The following SERPINF2 variants were observed in gnomAD, a reference collection of about 807,000 sequenced individuals.
SERPINF2 encodes alpha-2-antiplasmin.
SERPINF2 carries 15 observed loss-of-function variants against 45.0 expected under a neutral mutation model. That is an observed-to-expected ratio of 0.33 (90% CI 0.22 to 0.51). SERPINF2 has a LOEUF of 0.51. Ranked by LOEUF, SERPINF2 falls within the 20% of genes least tolerant of loss-of-function variation. The pLI, the probability that SERPINF2 is intolerant of heterozygous loss-of-function variation, is 0.97. For missense variants in SERPINF2, 518 were observed against 637.4 expected (o/e 0.81, Z 2.02); for synonymous variants, 283 against 277.9 (o/e 1.02, Z -0.18).
chr17:1,752,625 G>T lies in SERPINF2; in HGVS notation c.898G>T (p.Val300Phe). Residue 300 changes from valine to phenylalanine, a missense_variant, in exon 9 of 10, where the codon GTC becomes TTC. Physicochemically the swap from Val to Phe is conservative, Grantham distance 50 (BLOSUM62 -1). Coordinates refer to ENST00000453066, the MANE Select transcript of SERPINF2 (RefSeq NM_000934.4). ...FPFKNNMSFV[V>F]LVPTHFEWNV... ...CTTTAAGAACAACATGAGCTTTGTGGTCCTTGTACCCACCCACTTTGAATG... is the reference window on the plus strand; with the variant it reads ...CTTTAAGAACAACATGAGCTTTGTGTTCCTTGTACCCACCCACTTTGAATG... 1 of 1,614,162 alleles carries T rather than the reference G, an allele frequency of 6.2e-7. No individual in the cohort carries two copies.
chr17:1,747,606 C>A, intron 7 of SERPINF2, 94 bp downstream of exon 7: 1 of 1,392,446 alleles, frequency 7.2e-7, no homozygotes, highest in Non-Finnish European at 1.0e-6. Flanking sequence ...GCTCTGTCAC[C>A]CAGGGTGGAG....
rs1191306313 is a variant in SERPINF2 at position 1,745,320 on chromosome 17, C to T, written c.103-13C>T. On this transcript the variant is annotated splice_polypyrimidine_tract_variant and intron_variant, in intron 3 of 9. Transcript: ENST00000453066. This position sits in a 1 kb window ranked among gnomAD's most constrained non-coding sequence, Gnocchi z 6.2. ...GGAAGGGTCGGTCTCCATCTGCTTG[C>T]TCCTTTCCGCAGCTAACTAGCGGGC... 4 of 1,613,190 alleles carry T rather than the reference C, an allele frequency of 2.5e-6. No homozygotes were observed. The African/African-American group carries it at 4.0e-5, about 16-fold the overall frequency.
intron 9 of SERPINF2, among the ~76,000 whole-genome samples, chr17:1,753,387 C>G (rs1906557389): frequency 6.6e-6 from 1 of 152,068 alleles, no homozygotes. Flanking sequence ...AAGACCTTGT[C>G]TCAAAAATAA....
At chr17:1,753,307 T>A (rs961389420) in intron 9 of SERPINF2, among the ~76,000 whole-genome samples, 2 of 152,190 alleles carry the variant, frequency 1.3e-5, no homozygotes, top group Non-Finnish European at 2.9e-5. Flanking sequence ...GAGGCCCTCT[T>A]GACCCCAGGT....
At position 1,745,515 on chromosome 17, in the gene SERPINF2, G is replaced by T; in HGVS notation, c.165+120G>T. On this transcript the variant is annotated intron_variant, in intron 4 of 9. Transcript: ENST00000453066. This position sits in a 1 kb window ranked among gnomAD's most constrained non-coding sequence, Gnocchi z 6.2. Reference sequence around the variant, plus strand: ...AGGCTCTGGAGTCCAGAGGCCAGAAGGGAGAGAGGGTGGGGAGGACCGAAG... The same window carrying T: ...AGGCTCTGGAGTCCAGAGGCCAGAATGGAGAGAGGGTGGGGAGGACCGAAG... 7.6e-7 allele frequency: 1 copy of T among 1,311,382 alleles called. No individual in the cohort carries two copies. Among genetic ancestry groups the T allele is most frequent in the South Asian group, 1.2e-5 (1 of 81,468 alleles). 81.2% of individuals were successfully genotyped at this position (1,311,382 alleles called of 1,614,324 possible).
intron 8 of SERPINF2, among the ~76,000 whole-genome samples, 154 bp downstream of exon 8, chr17:1,748,894 C>T (rs919465817): frequency 6.6e-6 from 1 of 152,246 alleles, no homozygotes; most frequent in African/African-American, 2.4e-5. Context: ...GTCCCATGAT[C>T]CCCCATCCTA....
intron 1 of SERPINF2, among the ~76,000 whole-genome samples, chr17:1,743,952 A>G (rs1905545614): frequency 6.7e-6 from 1 of 149,950 alleles, no homozygotes; most frequent in South Asian, 2.2e-4. Flanking sequence ...GCTGGAGTGC[A>G]GTGGCGTGAT....
intron 8 of SERPINF2, 113 bp from the exon 9 acceptor site, chr17:1,752,472 GC>G: frequency 2.2e-6 from 2 of 902,550 alleles, no homozygotes; most frequent in African/African-American, 1.6e-5. Flanking sequence ...TCAGTCACAC[GC>G]CTGGCAGGAT....
chr17:1,755,062 C>T lies in SERPINF2; in HGVS notation c.*528C>T, dbSNP rs1906737204. The stretch of plus-strand genomic sequence containing the variant: ...CGAGAGTCCATCAGCCTCCATCCTA[C>T]CCCCTGTGCCTTGTCACGCCAGACT... On this transcript the variant is annotated 3_prime_UTR_variant, in exon 10 of 10. Transcript: ENST00000453066. The surrounding 1 kb of genome is among the most constrained non-coding windows in gnomAD (Gnocchi z 4.2). 1 of 158,512 alleles carries T rather than the reference C, an allele frequency of 6.3e-6. No individual in the cohort carries two copies. Among genetic ancestry groups the T allele is most frequent in the Admixed American group, 6.3e-5 (1 of 15,890 alleles). The allele number at this position is 158,512 out of a possible 1,614,324, so 9.8% of individuals were successfully genotyped here.
intron 8 of SERPINF2, among the ~76,000 whole-genome samples, chr17:1,748,946 T>C (rs930890846): frequency 2.0e-5 from 3 of 152,234 alleles, no homozygotes; most frequent in Admixed American, 2.0e-4. Context: ...TGAGGTTTAG[T>C]AATTCAGTGA....
intron 1 of SERPINF2, chr17:1,744,683 G>A: frequency 3.0e-6 from 3 of 985,360 alleles, no homozygotes; most frequent in South Asian, 9.4e-5. Context: ...CACAGCGCAG[G>A]GCCTTGTAGA....
At chr17:1,744,733 C>T (rs2151187344) in intron 1 of SERPINF2, 2 of 985,392 alleles carry the variant, frequency 2.0e-6, no homozygotes, top group Non-Finnish European at 2.4e-6. Flanking sequence ...TCCTATTCAC[C>T]AAAACACCCT....
intron 1 of SERPINF2, chr17:1,743,163 C>T (rs1311551118): frequency 4.2e-6 from 4 of 942,866 alleles, no homozygotes; most frequent in Non-Finnish European, 5.0e-6. Context: ...AGGGTTGGCC[C>T]CAAGATGGGG....
intron 5 of SERPINF2, 140 bp downstream of exon 5, chr17:1,746,049 G>A (rs939594496): frequency 8.3e-6 from 8 of 958,416 alleles, no homozygotes; most frequent in Non-Finnish European, 8.3e-6. Flanking sequence ...GGCCGGGGCG[G>A]TGGCTCACGC....
rs1309795512 is a variant in SERPINF2, at chr17:1,745,013, G to A, written c.18G>A (p.Gly6=). Residue 6 remains glycine (G), a synonymous_variant, in exon 2 of 10, where the codon GGG becomes GGA. Transcript: ENST00000453066. This position sits in a 1 kb window ranked among gnomAD's most constrained non-coding sequence, Gnocchi z 6.2. MALLW[G]LLVLSWSCLQ... is the part of the protein sequence containing the mutation. ...ACAGGAACATGGCGCTGCTCTGGGGGCTCCTGGTGCTCAGCTGGTCCTGCC... is the reference window on the plus strand; with the variant it reads ...ACAGGAACATGGCGCTGCTCTGGGGACTCCTGGTGCTCAGCTGGTCCTGCC... The A allele has an allele frequency of 6.2e-7, 1 of 1,613,806 alleles. No individual in the cohort carries two copies. The highest frequency in any genetic ancestry group is 8.5e-7 in the Non-Finnish European group (1 of 1,180,018).
rs777072577 is a variant in SERPINF2, at chr17:1,752,708, G to A, written c.981G>A (p.Val327=). The A allele has an allele frequency of 3.7e-6, 6 of 1,614,142 alleles. No homozygotes were observed. The Admixed American group carries it at 6.7e-5, about 18-fold the overall frequency. ...LSWDTLHPPL[V]WERPTKVRLP... ...GGGACACCCTGCACCCACCTCTGGTGTGGGAGAGGCCCACCAAGGTCCGGC... is the reference window on the plus strand; with the variant it reads ...GGGACACCCTGCACCCACCTCTGGTATGGGAGAGGCCCACCAAGGTCCGGC... Residue 327 remains valine, a synonymous_variant, in exon 9 of 10, where the codon GTG becomes GTA. Transcript: ENST00000453066.
Position 1,743,604 on chromosome 17 carries a change from A to T in SERPINF2, c.-5+696A>T, listed in dbSNP as rs962168464. On this transcript the variant is annotated intron_variant, in intron 1 of 9. Coordinates refer to ENST00000453066, the MANE Select transcript of SERPINF2 (RefSeq NM_000934.4). The stretch of plus-strand genomic sequence containing the variant: ...GTGGCACATGCCTGTAATCCCAGCT[A>T]CTCGGGAGGCTGAGGCAGGAGAATC... Among the ~76,000 whole-genome samples the T allele has an allele frequency of 2.0e-5, 3 of 150,188 alleles. No homozygotes were observed. The Admixed American group carries it at 2.0e-4, about 10-fold the overall frequency.
In SERPINF2 at chr17:1,754,685, T is replaced by TGGGGGGG. The variant is rs67887323; in HGVS notation, c.*155_*161dup. The stretch of plus-strand genomic sequence containing the variant: ...CCAACACCTCTTGGGGAGTTTAGGG[T>TGGGGGGG]GGGGGGGGGGCGCGGCTGGGAGGAG... On this transcript the variant is annotated 3_prime_UTR_variant, in exon 10 of 10. Coordinates refer to ENST00000453066, the MANE Select transcript of SERPINF2 (RefSeq NM_000934.4). 2.8e-4 allele frequency: 50 copies of TGGGGGGG among 181,284 alleles called. No homozygotes were observed. Among genetic ancestry groups the TGGGGGGG allele is most frequent in the South Asian group, 7.0e-4 (11 of 15,720 alleles). The allele number at this position is 181,284 out of a possible 1,614,324, so 11.2% of individuals were successfully genotyped here. A position where few individuals can be genotyped will look rare whatever the true frequency, so the allele number is the denominator to read the frequency against.
In SERPINF2 at chr17:1,744,488, C is replaced by T. The variant is rs115256859; in HGVS notation, c.-4-504C>T. 1,900 of 950,630 alleles carry T rather than the reference C, an allele frequency of 2.0e-3. 23 individuals are homozygous for T. In the African/African-American group the frequency reaches 0.03, roughly 15 times the overall value. 58.9% of individuals were successfully genotyped at this position (950,630 alleles called of 1,614,324 possible). ...AGCCTGGTCAACGAGAGCGAAACTC[C>T]GTCTCAAAAAATAAACAACAAAAAA... On this transcript the variant is annotated intron_variant, in intron 1 of 9. Transcript: ENST00000453066.
Sources: gnomAD v4.1 joint callset for allele counts (sites outside exome capture counted in the v4.1 genomes callset) on GRCh38, gnomAD v4.1.1 for gene constraint, Gnocchi (gnomAD v3.1) non-coding constraint, MANE v1.5 for transcripts, NCBI Gene and HGNC (gene_info 2026-07-23, HGNC 2026-07-21) for gene names.